The following PER1 variants were observed in gnomAD, a reference collection of about 807,000 sequenced individuals.
The protein encoded by PER1 is period circadian protein homolog 1.
A neutral mutation model predicts 125.9 loss-of-function variants in PER1; 87 were observed. The ratio of observed to expected loss-of-function variants is 0.69; its 90% CI spans 0.58 to 0.83. The LOEUF (loss-of-function observed/expected upper bound fraction) is 0.83. Among genes scored for constraint, PER1 ranks in the 40% least tolerant of loss-of-function variants. The probability of loss-of-function intolerance (pLI) is 0.00; values close to 1 mark genes in which losing one functional copy is unlikely to be tolerated. For synonymous variants in PER1, 801 were observed against 714.7 expected, an observed-to-expected ratio of 1.12 and a Z score of -1.93; for missense variants, 1,775 against 1,722.8, an observed-to-expected ratio of 1.03 and a Z score of -0.54.
rs1403341878 is a variant in PER1 at position 8,142,752 on chromosome 17, G to A, written c.3156C>T (p.Arg1052=). ...CCGAGGCTGCGGAGCCTGTGCCGGA[G>A]CGCGAGTCCTCTTGCAGCAGAAGTT... ...LLELLLQEDS[R]SGTGSAASGS... is the part of the protein sequence containing the mutation. Residue 1052 remains arginine (R), a synonymous_variant, in exon 20 of 23, where the codon CGC becomes CGT. Transcript: ENST00000317276. The A allele has an allele frequency of 1.9e-6, 3 of 1,613,822 alleles. No homozygotes were observed. Among genetic ancestry groups the A allele is most frequent in the South Asian group, 2.2e-5 (2 of 91,094 alleles).
chr17:8,143,891 T>A lies in PER1; in HGVS notation c.2462-15A>T, dbSNP rs1982260267. 1 of 1,597,716 alleles carries A rather than the reference T, an allele frequency of 6.3e-7. No individual in the cohort carries two copies. The highest frequency in any genetic ancestry group is 1.3e-5 in the African/African-American group (1 of 74,608). Reference sequence around the variant, plus strand: ...GTGGTGGCAGCCTGTGGGGAGAGACTAGGGTTAGCAAGGACCTCAACCTGG... The same window carrying A: ...GTGGTGGCAGCCTGTGGGGAGAGACAAGGGTTAGCAAGGACCTCAACCTGG... On this transcript the variant is annotated splice_polypyrimidine_tract_variant and intron_variant, in intron 18 of 22. Coordinates refer to ENST00000317276, the MANE Select transcript of PER1 (RefSeq NM_002616.3).
At chr17:8,144,572 C>T (rs1237798429) in intron 18 of PER1, 179 bp downstream of exon 18, 6 of 792,050 alleles carry the variant, frequency 7.6e-6, no homozygotes, top group East Asian at 3.0e-5. Flanking sequence ...GGCTGCAGCC[C>T]GGAACCCCAT....
intron 1 of PER1, 78 bp from the exon 2 acceptor site, chr17:8,150,923 T>A: frequency 1.9e-6 from 1 of 513,128 alleles, no homozygotes; most frequent in Non-Finnish European, 3.4e-6. Flanking sequence ...CACTCAGACC[T>A]TCCCCCTGCC....
chr17:8,147,792 G>A lies in PER1; in HGVS notation c.1270C>T (p.Pro424Ser), dbSNP rs938928326. The A allele has an allele frequency of 6.2e-7, 1 of 1,613,924 alleles. No homozygotes were observed. Among genetic ancestry groups the A allele is most frequent in the African/African-American group, 1.3e-5 (1 of 74,956 alleles). ...QLAGQPFDHS[P>S]IRFCARNGEY... ...CCGTTGCGGGCACAGAAGCGGATAGGGGAGTGGTCAAAGGGCTGGCCCGCC... is the reference window on the plus strand; with the variant it reads ...CCGTTGCGGGCACAGAAGCGGATAGAGGAGTGGTCAAAGGGCTGGCCCGCC... The change falls in exon 11 of 23, where the codon CCT becomes TCT. Residue 424 changes from proline (P) to serine (S), a missense_variant. Pro to Ser is a moderately conservative substitution (Grantham distance 74, BLOSUM62 -1). Coordinates refer to ENST00000317276, the MANE Select transcript of PER1 (RefSeq NM_002616.3).
chr17:8,143,714 G>T lies in PER1; in HGVS notation c.2624C>A (p.Thr875Asn). The T allele has an allele frequency of 1.4e-6, 2 of 1,462,154 alleles. No individual in the cohort carries two copies. The highest frequency in any genetic ancestry group is 1.8e-6 in the Non-Finnish European group (2 of 1,082,286). The allele number at this position is 1,462,154 out of a possible 1,614,324, so 90.6% of individuals were successfully genotyped here. The change falls in exon 19 of 23, where the codon ACC becomes AAC. Residue 875 changes from threonine to asparagine, a missense_variant. Transcript: ENST00000317276. The stretch of plus-strand genomic sequence containing the variant: ...GGGCTGGACAACCGCTGGGAAGGGG[G>T]TAGTGGCTGGTGGGGTGGGCCAGGG... ...STPWPTPPAT[T>N]PFPAVVQPYP...
Position 8,144,998 on chromosome 17 carries a change from G to T in PER1, c.2219-5C>A. The T allele has an allele frequency of 6.8e-7, 1 of 1,473,432 alleles. No homozygotes were observed. 91.3% of individuals were successfully genotyped at this position (1,473,432 alleles called of 1,614,324 possible). ...GGTCCTCCATCATGATGATGTCTGA[G>T]GAGAGTGAGATAGGGAAAGGTCATC... On this transcript the variant is annotated splice_region_variant and splice_polypyrimidine_tract_variant and intron_variant, in intron 17 of 22. Coordinates refer to ENST00000317276, the MANE Select transcript of PER1 (RefSeq NM_002616.3).
Position 8,150,039 on chromosome 17 carries a change from C to G in PER1, c.461G>C (p.Arg154Pro). Residue 154 changes from arginine to proline, a missense_variant, in exon 4 of 23, where the codon CGG becomes CCG. Coordinates refer to ENST00000317276, the MANE Select transcript of PER1 (RefSeq NM_002616.3). ...CAGGGTCCCAGAGCGGCCCTTGCCC[C>G]GGCGCTCTGGCGGCAGTCGAAGCTT... is the stretch of plus-strand genomic sequence containing the variant. ...ELKLRLPPER[R>P]GKGRSGTLAT... The G allele has an allele frequency of 6.2e-7, 1 of 1,614,158 alleles. No homozygotes were observed. The highest frequency in any genetic ancestry group is 8.5e-7 in the Non-Finnish European group (1 of 1,180,032).
In PER1 at chr17:8,150,317, G is replaced by A. The variant is rs1482349211; in HGVS notation, c.276C>T (p.Ser92=). The change falls in exon 3 of 23, where the codon AGC becomes AGT. Residue 92 remains serine (S), a splice_region_variant and synonymous_variant. Transcript: ENST00000317276. ...GTGGGGATGGGCTCTGAGAGTTTGT[G>A]CTAGGAGACAGCAACAGGCCCAGTT... ...ALLETTESSK[S]TNSQSPSPPS... is the part of the protein sequence containing the mutation. 1 of 1,550,168 alleles carries A rather than the reference G, an allele frequency of 6.5e-7. No homozygotes were observed. Among genetic ancestry groups the A allele is most frequent in the Non-Finnish European group, 8.7e-7 (1 of 1,146,092 alleles).
chr17:8,143,283 C>T lies in PER1; in HGVS notation c.3055G>A (p.Glu1019Lys). Residue 1019 changes from glutamate (E) to lysine (K), a missense_variant, in exon 19 of 23, where the codon GAG becomes AAG. Glu to Lys is a moderately conservative substitution (Grantham distance 56). Coordinates refer to ENST00000317276, the MANE Select transcript of PER1 (RefSeq NM_002616.3). ...GPPPPSAEAA[E>K]PEARLAEVTE... is the part of the protein sequence containing the mutation. ...GTGCTCACCAGTCTGGCCTCTGGCT[C>T]AGCAGCCTCCGCACTGGGAGGTGGG... 1 of 1,558,282 alleles carries T rather than the reference C, an allele frequency of 6.4e-7. No individual in the cohort carries two copies.
At chr17:8,143,160 C>T in intron 19 of PER1, 106 bp downstream of exon 19, 2 of 858,400 alleles carry the variant, frequency 2.3e-6, no homozygotes, top group Non-Finnish European at 3.5e-6. Flanking sequence ...CCTCCACCTC[C>T]TGGAGGCTGA....
rs1982104557 is a variant in PER1 at position 8,141,905 on chromosome 17, T to C, written c.3500A>G (p.Gln1167Arg). The C allele has an allele frequency of 1.2e-6, 2 of 1,614,032 alleles. No homozygotes were observed. Among genetic ancestry groups the C allele is most frequent in the African/African-American group, 1.3e-5 (1 of 74,928 alleles). ...KQDRERLRAM[Q>R]KQQPRFSEDQ... is the part of the protein sequence containing the mutation. ...CTCAGAAAACCGAGGCTGCTGCTTC[T>C]GCATGGCTCGGAGCCGCTCCCGATC... The change falls in exon 22 of 23, where the codon CAG (glutamine) becomes CGG (arginine). Residue 1167 changes from glutamine (Q) to arginine (R), a missense_variant. By Grantham distance (43) the Gln-to-Arg change is conservative. Coordinates refer to ENST00000317276, the MANE Select transcript of PER1 (RefSeq NM_002616.3).
chr17:8,143,420 A>G lies in PER1; in HGVS notation c.2918T>C (p.Leu973Pro). 3 of 1,612,948 alleles carry G rather than the reference A, an allele frequency of 1.9e-6. No individual in the cohort carries two copies. Among genetic ancestry groups the G allele is most frequent in the Admixed American group, 1.7e-5 (1 of 59,934 alleles). Residue 973 changes from leucine (L) to proline (P), a missense_variant, in exon 19 of 23, where the codon CTG (leucine) becomes CCG (proline). Physicochemically the swap from Leu to Pro is moderately conservative, Grantham distance 98 (BLOSUM62 -3). Transcript: ENST00000317276. ...TGGAGAGCTGCATCTCGAGTTGAACAGTGGAGAGTCCGGGCGGTGAGGAGG... is the reference window on the plus strand; with the variant it reads ...TGGAGAGCTGCATCTCGAGTTGAACGGTGGAGAGTCCGGGCGGTGAGGAGG... ...PSPPHRPDSP[L>P]FNSRCSSPLQ... is the part of the protein sequence containing the mutation.
intron 22 of PER1, 82 bp from the exon 23 acceptor site, chr17:8,141,422 A>T: frequency 6.8e-7 from 1 of 1,463,354 alleles, no homozygotes; most frequent in Non-Finnish European, 9.2e-7. Flanking sequence ...CCCCCAGCCC[A>T]CTGTGCTTCC....
At position 8,144,977 on chromosome 17, in the gene PER1, C is replaced by T. The variant is rs1170704079; in HGVS notation, c.2235G>A (p.Glu745=). Residue 745 remains glutamate, a synonymous_variant, in exon 18 of 23, where the codon GAG becomes GAA. Coordinates refer to ENST00000317276, the MANE Select transcript of PER1 (RefSeq NM_002616.3). ...GGCCTGGGGCTAGGCCAGGCAGGTC[C>T]TCCATCATGATGATGTCTGAGGAGA... is the stretch of plus-strand genomic sequence containing the variant. The part of the protein sequence containing the change: ...KPPESDIIMM[E]DLPGLAPGPA... 1.3e-6 allele frequency: 2 copies of T among 1,496,280 alleles called. No individual in the cohort carries two copies. The highest frequency in any genetic ancestry group is 2.3e-5 in the East Asian group (1 of 42,724). 92.7% of individuals were successfully genotyped at this position (1,496,280 alleles called of 1,614,324 possible).
Position 8,142,392 on chromosome 17 carries a change from C to G in PER1, c.3326G>C (p.Gly1109Ala), listed in dbSNP as rs1487779541. The G allele has an allele frequency of 1.9e-6, 3 of 1,611,572 alleles. No homozygotes were observed. Among genetic ancestry groups the G allele is most frequent in the Middle Eastern group, 1.7e-4 (1 of 6,054 alleles). The change falls in exon 21 of 23, where the codon GGG (glycine) becomes GCG (alanine). Residue 1109 changes from glycine (G) to alanine (A), a missense_variant. Transcript: ENST00000317276. ...GSIDSSEAEAGAARGGAEPGD... is the reference protein window; with the variant it reads ...GSIDSSEAEAAAARGGAEPGD... ...AGGCTCAGCCCCGCCCCGAGCAGCC[C>G]CAGCCTCAGCCTCGGAAGAGTCGAT...
Position 8,142,282 on chromosome 17 carries a change from G to T in PER1, c.3436C>A (p.Gln1146Lys). ...GAAATGCCTCACCTGGAGGGCACCT[G>T]GTAGGTCATCATGACGCGCTGGTCA... ...NADQRVMMTYQVPSRDMTSVL... is the reference protein window; with the variant it reads ...NADQRVMMTYKVPSRDMTSVL... Residue 1146 changes from glutamine to lysine, a missense_variant, in exon 21 of 23, where the codon CAG (glutamine) becomes AAG (lysine). Transcript: ENST00000317276. 1 of 1,600,266 alleles carries T rather than the reference G, an allele frequency of 6.2e-7. No homozygotes were observed. The highest frequency in any genetic ancestry group is 8.5e-7 in the Non-Finnish European group (1 of 1,173,382).
intron 16 of PER1, 65 bp from the exon 17 acceptor site, chr17:8,146,202 C>T (rs776629738): frequency 6.5e-7 from 1 of 1,539,636 alleles, no homozygotes; most frequent in African/African-American, 1.4e-5. Context: ...GAGAGGATCC[C>T]AGGGAAAAGG....
At chr17:8,144,087 C>T in intron 18 of PER1, 1 of 713,990 alleles carries the variant, frequency 1.4e-6, no homozygotes, top group Non-Finnish European at 2.2e-6. Flanking sequence ...GAGAAAGGAA[C>T]AAGGCCAGGG....
rs1365785534 is a variant in PER1 at position 8,150,636 on chromosome 17, C to A, written c.71G>T (p.Gly24Val). Residue 24 changes from glycine (G) to valine (V), a missense_variant, in exon 2 of 23, where the codon GGC becomes GTC. Coordinates refer to ENST00000317276, the MANE Select transcript of PER1 (RefSeq NM_002616.3). ...CTGTGGGGGCCCAGGGGATGGGACG[C>A]CCCCAGGACAAAATGATTCCCCAGG... ...PRPGESFCPGGVPSPGPPQHR... is the reference protein window; with the variant it reads ...PRPGESFCPGVVPSPGPPQHR... 6.2e-7 allele frequency: 1 copy of A among 1,609,704 alleles called. No individual in the cohort carries two copies. The highest frequency in any genetic ancestry group is 1.7e-5 in the Admixed American group (1 of 59,218).
Sources: gnomAD v4.1 joint callset for allele counts on GRCh38, gnomAD v4.1.1 for gene constraint, MANE v1.5 for transcripts, NCBI Gene and HGNC (gene_info 2026-07-23, HGNC 2026-07-21) for gene names.